Variants in ADGRB3 observed in about 807,000 individuals in gnomAD.
ADGRB3 encodes the protein adhesion G protein-coupled receptor B3, also known as brain-specific angiogenesis inhibitor 3.
Under a neutral mutation model 193.4 loss-of-function variants are expected in ADGRB3, and 37 were observed. The observed-to-expected ratio is 0.19, with a 90% CI of 0.15 to 0.25. The LOEUF is 0.25. ADGRB3 is among the 10% of genes least tolerant of loss of function. ADGRB3 has a pLI of 1.00. For synonymous variants in ADGRB3, 690 were observed against 644.2 expected (o/e 1.07, Z -1.08); for missense variants, 1,637 against 1,852.9 (o/e 0.88, Z 2.14).
At chr6:68,697,189 T>C (rs1409625779) in intron 3 of ADGRB3, among the ~76,000 whole-genome samples, 1 of 152,082 alleles carries the variant, frequency 6.6e-6, no homozygotes, top group Non-Finnish European at 1.5e-5. Context: ...GCATTATTTT[T>C]GCATTTTGTT....
At chr6:69,109,437 A>G (rs1373481890) in intron 17 of ADGRB3, among the ~76,000 whole-genome samples, 1 of 152,202 alleles carries the variant, frequency 6.6e-6, no homozygotes, top group Admixed American at 6.5e-5. Flanking sequence ...TGGTACTAGT[A>G]TGACTCAATA....
chr6:68,790,454 A>T (rs572624067), intron 3 of ADGRB3, among the ~76,000 whole-genome samples: 1 of 152,334 alleles, frequency 6.6e-6, no homozygotes, highest in East Asian at 1.9e-4. Flanking sequence ...TTCTCCCAGC[A>T]CGCAGCTTGA....
intron 20 of ADGRB3, among the ~76,000 whole-genome samples, chr6:69,292,088 A>G (rs1767697840): frequency 6.6e-6 from 1 of 152,062 alleles, no homozygotes; most frequent in Non-Finnish European, 1.5e-5. Context: ...TTGTCATCAA[A>G]CCTCGCATAA....
intron 17 of ADGRB3, among the ~76,000 whole-genome samples, chr6:69,154,572 C>T (rs543419787): frequency 6.6e-6 from 1 of 152,314 alleles, no homozygotes; most frequent in South Asian, 2.1e-4. Context: ...TCCTCCTTTG[C>T]CTGGCAAATT....
intron 20 of ADGRB3, among the ~76,000 whole-genome samples, chr6:69,317,826 C>A (rs1768350757): frequency 6.6e-6 from 1 of 151,248 alleles, no homozygotes; most frequent in African/African-American, 2.4e-5. Context: ...AGGTAGAAGA[C>A]AAATCGGTAA....
intron 3 of ADGRB3, among the ~76,000 whole-genome samples, chr6:68,884,395 A>G (rs1765841995): frequency 6.6e-6 from 1 of 152,216 alleles, no homozygotes; most frequent in African/African-American, 2.4e-5. Context: ...AGATAAAATA[A>G]TAGATTGACC....
At chr6:68,661,380 C>CAT (rs201853123) in intron 3 of ADGRB3, among the ~76,000 whole-genome samples, 2 of 69,122 alleles carry the variant, frequency 2.9e-5, no homozygotes, top group African/African-American at 1.4e-4. Flanking sequence ...TATGTGTATA[C>CAT]ATATATATAT....
At chr6:68,648,935 AAG>A (rs1768281623) in intron 3 of ADGRB3, among the ~76,000 whole-genome samples, 1 of 152,094 alleles carries the variant, frequency 6.6e-6, no homozygotes, top group South Asian at 2.1e-4. Flanking sequence ...CATAAATACA[AAG>A]AATATAATAA....
intron 13 of ADGRB3, among the ~76,000 whole-genome samples, chr6:69,039,437 C>G (rs926726431): frequency 2.6e-5 from 4 of 151,984 alleles, no homozygotes; most frequent in Non-Finnish European, 4.4e-5. Flanking sequence ...TACCGTATGT[C>G]TAAGATGATG....
At chr6:69,127,800 CTG>C (rs1233617619) in intron 17 of ADGRB3, among the ~76,000 whole-genome samples, 1 of 152,114 alleles carries the variant, frequency 6.6e-6, no homozygotes, top group East Asian at 1.9e-4. Flanking sequence ...CATTACACAA[CTG>C]TAAATGTTAA....
chr6:69,196,907 C>T (rs1367657913), intron 17 of ADGRB3, among the ~76,000 whole-genome samples: 1 of 152,078 alleles, frequency 6.6e-6, no homozygotes, highest in Non-Finnish European at 1.5e-5. Context: ...TAGGGTCAGA[C>T]ATATCAGAAT....
chr6:69,178,671 T>C (rs811405), intron 17 of ADGRB3, among the ~76,000 whole-genome samples: 58,479 of 149,088 alleles, frequency 0.39, 12,299 homozygotes, highest in African/African-American at 0.59. Context: ...TTAGCACTTG[T>C]TTGCCTCAAA....
Position 68,819,063 on chromosome 6 carries a change from G to A in ADGRB3, c.758-111496G>A, listed in dbSNP as rs772109187. 7.2e-5 allele frequency among the ~76,000 whole-genome samples: 11 copies of A among 152,066 alleles called. No individual in the cohort carries two copies. In the South Asian group the frequency reaches 1.0e-3, roughly 14 times the overall value. Reference sequence around the variant, plus strand: ...ATGAATGGAATATTGTTTATTCCACGGAGAAAATTATCCAGCCTTTAGTAT... The same window carrying A: ...ATGAATGGAATATTGTTTATTCCACAGAGAAAATTATCCAGCCTTTAGTAT... On this transcript the variant is annotated intron_variant, in intron 3 of 31. Coordinates refer to ENST00000370598, the MANE Select transcript of ADGRB3 (RefSeq NM_001704.3).
Position 68,677,521 on chromosome 6 carries a change from C to CTT in ADGRB3, c.757+38105_757+38106dup, listed in dbSNP as rs1002070733. Among the ~76,000 whole-genome samples, 455 of 120,296 alleles carry CTT rather than the reference C, an allele frequency of 3.8e-3. 5 individuals are homozygous for CTT. The highest frequency in any genetic ancestry group is 0.015 in the Middle Eastern group (3 of 206). The allele number at this position is 120,296 out of a possible 152,430, so 78.9% of individuals were successfully genotyped here. On this transcript the variant is annotated intron_variant, in intron 3 of 31. Coordinates refer to ENST00000370598, the MANE Select transcript of ADGRB3 (RefSeq NM_001704.3). ...ATTTTTTTCTTTTTTTTCTTTTTTT[C>CTT]TTTTTTTTTTTTTTTTTGACAGGTC...
chr6:69,231,679 G>A (rs986643167), intron 17 of ADGRB3, among the ~76,000 whole-genome samples: 15 of 152,094 alleles, frequency 9.9e-5, no homozygotes, highest in African/African-American at 3.6e-4. Context: ...TTAAAAAATT[G>A]GCATGGTTGC....
chr6:69,222,552 A>G (rs1362414279), intron 17 of ADGRB3, among the ~76,000 whole-genome samples: 1 of 152,184 alleles, frequency 6.6e-6, no homozygotes, highest in Non-Finnish European at 1.5e-5. Flanking sequence ...TGCAGGACAA[A>G]GATGTTTATT....
At chr6:69,385,577 A>G (rs1770052943) in intron 31 of ADGRB3, among the ~76,000 whole-genome samples, 1 of 152,138 alleles carries the variant, frequency 6.6e-6, no homozygotes, top group Non-Finnish European at 1.5e-5. Flanking sequence ...TATGGAATTT[A>G]TGATGTTTTA....
chr6:69,060,842 G>C (rs984570666), intron 15 of ADGRB3, among the ~76,000 whole-genome samples: 1 of 151,944 alleles, frequency 6.6e-6, no homozygotes, highest in African/African-American at 2.4e-5. Flanking sequence ...CTAACTCTAA[G>C]CTGTATACAC....
At chr6:68,661,068 C>G (rs1253044957) in intron 3 of ADGRB3, among the ~76,000 whole-genome samples, 4 of 149,854 alleles carry the variant, frequency 2.7e-5, no homozygotes, top group Non-Finnish European at 6.0e-5. Context: ...ATTTTATATA[C>G]AAAAAAATGT....
Sources: allele counts gnomAD v4.1 joint callset (sites outside exome capture counted in the v4.1 genomes callset), GRCh38; gene constraint gnomAD v4.1.1; transcripts MANE v1.5; gene names NCBI Gene and HGNC (gene_info 2026-07-23, HGNC 2026-07-21).